XKR4: variants seen among roughly 807,000 people sequenced by gnomAD.
XKR4 encodes XK related 4.
A neutral mutation model predicts 53.9 loss-of-function variants in XKR4; 12 were observed. That is an observed-to-expected ratio of 0.22 (90% confidence interval 0.14 to 0.36). The LOEUF (loss-of-function observed/expected upper bound fraction) is 0.36, where lower values mean the gene tolerates loss of function less well. Ranked by LOEUF, XKR4 falls within the 10% of genes least tolerant of loss-of-function variation. The pLI is 1.00. For missense variants in XKR4, 799 were observed against 859.5 expected (o/e 0.93, Z 0.88); for synonymous variants, 354 against 362.4 (o/e 0.98, Z 0.26).
At chr8:55,124,040 A>T (rs1816428077) in intron 1 of XKR4, among the ~76,000 whole-genome samples, 1 of 152,176 alleles carries the variant, frequency 6.6e-6, no homozygotes, top group South Asian at 2.1e-4. Context: ...CTTTAAAACA[A>T]GGTGAGTTTT....
At chr8:55,363,907 A>G (rs1803936574) in intron 2 of XKR4, among the ~76,000 whole-genome samples, 1 of 152,176 alleles carries the variant, frequency 6.6e-6, no homozygotes, top group African/African-American at 2.4e-5. Context: ...GCTCTGTGCA[A>G]CATTTGTACT....
At chr8:55,131,788 C>T (rs928864554) in intron 1 of XKR4, among the ~76,000 whole-genome samples, 1 of 151,912 alleles carries the variant, frequency 6.6e-6, no homozygotes, top group African/African-American at 2.4e-5. Flanking sequence ...CTCTACCGTC[C>T]AGGCTGGAGT....
intron 1 of XKR4, among the ~76,000 whole-genome samples, chr8:55,190,544 G>A (rs1417777363): frequency 6.6e-6 from 1 of 152,234 alleles, no homozygotes; most frequent in Non-Finnish European, 1.5e-5. Context: ...GACTGCCTGA[G>A]AGATGGTCCT....
intron 2 of XKR4, among the ~76,000 whole-genome samples, chr8:55,436,737 A>G (rs1405878371): frequency 6.6e-6 from 1 of 152,202 alleles, no homozygotes; most frequent in Non-Finnish European, 1.5e-5. Context: ...GGCAACCACC[A>G]TGCAAATCAC....
At chr8:55,258,362 A>G (rs1818470232) in intron 1 of XKR4, among the ~76,000 whole-genome samples, 1 of 152,158 alleles carries the variant, frequency 6.6e-6, no homozygotes, top group Non-Finnish European at 1.5e-5. Context: ...TTAGCAAGGT[A>G]AAGAGGAACG....
intron 1 of XKR4, among the ~76,000 whole-genome samples, chr8:55,215,043 C>G (rs1817781341): frequency 6.6e-6 from 1 of 150,922 alleles, no homozygotes; most frequent in Non-Finnish European, 1.5e-5. Context: ...TATCATTTGC[C>G]TTTTAAACTT....
chr8:55,347,848 TA>T (rs1803671313), intron 1 of XKR4, among the ~76,000 whole-genome samples: 1 of 152,248 alleles, frequency 6.6e-6, no homozygotes, highest in Admixed American at 6.5e-5. Context: ...TAGCTGTGTA[TA>T]TGGCTTTCTG....
intron 1 of XKR4, among the ~76,000 whole-genome samples, chr8:55,163,861 A>C (rs1817023830): frequency 6.6e-6 from 1 of 152,182 alleles, no homozygotes; most frequent in Non-Finnish European, 1.5e-5. Flanking sequence ...AAATCAATAA[A>C]TGAAATATAA....
chr8:55,439,794 C>A (rs1009008509), intron 2 of XKR4, among the ~76,000 whole-genome samples: 1 of 152,070 alleles, frequency 6.6e-6, no homozygotes. Context: ...TAGAGATAGG[C>A]TATATTTGAA....
At chr8:55,367,556 G>A (rs1585541207) in intron 2 of XKR4, among the ~76,000 whole-genome samples, 1 of 152,284 alleles carries the variant, frequency 6.6e-6, no homozygotes, top group East Asian at 1.9e-4. Flanking sequence ...ATGCCAAAGA[G>A]TTTTCCAAAG....
At chr8:55,188,393 C>T (rs142463685) in intron 1 of XKR4, among the ~76,000 whole-genome samples, 52 of 152,306 alleles carry the variant, frequency 3.4e-4, no homozygotes, top group African/African-American at 1.2e-3. Flanking sequence ...AAAACAACCT[C>T]TCAACTTTGA....
In XKR4 at chr8:55,527,128, T is replaced by C. The variant is rs1806891227; in HGVS notation, c.*2901T>C. On this transcript the variant is annotated 3_prime_UTR_variant, in exon 3 of 3. Coordinates refer to ENST00000327381, the MANE Select transcript of XKR4 (RefSeq NM_052898.2). ...AGACTGTTGTGGTAATAACAACTTT[T>C]ACTTGTTTTCTAGATGCACAGATAA... 6.6e-6 allele frequency: 1 copy of C among 152,272 alleles called. No individual in the cohort carries two copies. Among genetic ancestry groups the C allele is most frequent in the South Asian group, 2.1e-4 (1 of 4,832 alleles). The allele number at this position is 152,272 out of a possible 1,614,324, so 9.4% of individuals were successfully genotyped here. A position where few individuals can be genotyped will look rare whatever the true frequency, so the allele number is the denominator to read the frequency against.
intron 1 of XKR4, chr8:55,161,510 C>A (rs1280063633): frequency 4.4e-6 from 2 of 455,572 alleles, no homozygotes; most frequent in African/African-American, 4.0e-5. Context: ...TCTGAAAAAA[C>A]AGAAAAGGGC....
chr8:55,273,045 T>A, intron 1 of XKR4: 1 of 361,902 alleles, frequency 2.8e-6, no homozygotes, highest in Non-Finnish European at 5.4e-6. Context: ...TTCCATTCAA[T>A]GGAAGAAAAC....
chr8:55,467,080 T>C lies in XKR4; in HGVS notation c.1007-56201T>C, dbSNP rs192171512. Among the ~76,000 whole-genome samples, 7 of 152,166 alleles carry C rather than the reference T, an allele frequency of 4.6e-5. No individual in the cohort carries two copies. In the East Asian group the frequency reaches 1.4e-3, roughly 29 times the overall value. The stretch of plus-strand genomic sequence containing the variant: ...CAAGGTGTCAGCCAGGGCTGCAATC[T>C]CATCTGGGCACAGGGTCCTTCCCAA... On this transcript the variant is annotated intron_variant, in intron 2 of 2. Coordinates refer to ENST00000327381, the MANE Select transcript of XKR4 (RefSeq NM_052898.2).
At chr8:55,477,664 A>T (rs572911852) in intron 2 of XKR4, among the ~76,000 whole-genome samples, 5 of 151,934 alleles carry the variant, frequency 3.3e-5, no homozygotes, top group African/African-American at 1.2e-4. Context: ...GTGAAAAAAA[A>T]TTAGATGAAT....
chr8:55,374,401 G>T (rs117505542), intron 2 of XKR4, among the ~76,000 whole-genome samples: 1 of 152,306 alleles, frequency 6.6e-6, no homozygotes, highest in Middle Eastern at 3.4e-3. Context: ...AGAAGTGACC[G>T]GTTCCACCTG....
At chr8:55,164,142 A>C (rs1386088012) in intron 1 of XKR4, 1 of 455,276 alleles carries the variant, frequency 2.2e-6, no homozygotes, top group African/African-American at 2.0e-5. Context: ...CCAGCCCTAC[A>C]GGAGTTTGCT....
intron 1 of XKR4, among the ~76,000 whole-genome samples, chr8:55,119,095 C>T (rs544979939): frequency 6.6e-6 from 1 of 152,114 alleles, no homozygotes; most frequent in Admixed American, 6.5e-5. Flanking sequence ...AAATATTTAC[C>T]AAGCATTCAC....
Sources: gnomAD v4.1 joint callset for allele counts (sites outside exome capture counted in the v4.1 genomes callset) on GRCh38, gnomAD v4.1.1 for gene constraint, MANE v1.5 for transcripts, NCBI Gene and HGNC (gene_info 2026-07-23, HGNC 2026-07-21) for gene names.